CCPG1: variants seen among roughly 807,000 people sequenced by gnomAD.
CCPG1 encodes cell cycle progression protein 1.
In CCPG1, 46 loss-of-function variants were observed where a neutral mutation model predicts 81.3. The observed-to-expected ratio is 0.57, with a 90% confidence interval of 0.45 to 0.72. CCPG1 has a LOEUF of 0.72. Ranked by LOEUF, CCPG1 falls within the 30% of genes least tolerant of loss-of-function variation. The pLI, the probability that CCPG1 is intolerant of heterozygous loss-of-function variation, is 0.00. For synonymous variants in CCPG1, 330 were observed against 305.2 expected (o/e 1.08, Z -0.85); for missense variants, 902 against 937.6 (o/e 0.96, Z 0.50).
At chr15:55,392,717 A>C (rs544348000) in intron 1 of CCPG1, among the ~76,000 whole-genome samples, 1 of 152,228 alleles carries the variant, frequency 6.6e-6, no homozygotes, top group East Asian at 1.9e-4. Flanking sequence ...GGGTTTTGCC[A>C]TGTTGCCCAG....
At chr15:55,378,770 T>C (rs1364978041) in intron 3 of CCPG1, among the ~76,000 whole-genome samples, 1 of 152,066 alleles carries the variant, frequency 6.6e-6, no homozygotes, top group East Asian at 1.9e-4. Context: ...CTAATTTTTG[T>C]ATTTCTACTA....
chr15:55,360,527 T>G lies in CCPG1; in HGVS notation c.1246A>C (p.Asn416His). 1 of 1,614,186 alleles carries G rather than the reference T, an allele frequency of 6.2e-7. No homozygotes were observed. Among genetic ancestry groups the G allele is most frequent in the Non-Finnish European group, 8.5e-7 (1 of 1,180,040 alleles). ...SQLHGKSDSP[N>H]VYTEKKEIAI... The stretch of plus-strand genomic sequence containing the variant: ...ATTTCCTTTTTTTCAGTATATACAT[T>G]GGGAGAATCTGACTTGCCATGTAAC... The change falls in exon 8 of 9, where the codon AAT (asparagine) becomes CAT (histidine). Residue 416 changes from asparagine to histidine, a missense_variant. Asn to His is a moderately conservative substitution (Grantham distance 68). Coordinates refer to ENST00000442196, the MANE Select transcript of CCPG1 (RefSeq NM_001204450.2).
At chr15:55,379,111 A>G (rs1240637569) in intron 3 of CCPG1, among the ~76,000 whole-genome samples, 2 of 151,654 alleles carry the variant, frequency 1.3e-5, no homozygotes, top group African/African-American at 2.4e-5. Flanking sequence ...CCGTAAGAAT[A>G]AAAACCGTGG....
At chr15:55,394,395 T>C (rs576284620) in intron 1 of CCPG1, among the ~76,000 whole-genome samples, 1 of 152,258 alleles carries the variant, frequency 6.6e-6, no homozygotes, top group South Asian at 2.1e-4. Context: ...GAATTCTATA[T>C]GAAACAAGAA....
At chr15:55,370,202 G>C (rs1420187450) in intron 6 of CCPG1, among the ~76,000 whole-genome samples, 5 of 152,070 alleles carry the variant, frequency 3.3e-5, no homozygotes, top group African/African-American at 1.2e-4. Flanking sequence ...CTAACATTAC[G>C]CTATGTTGAA....
chr15:55,364,860 G>C (rs142126278), intron 7 of CCPG1, among the ~76,000 whole-genome samples: 1 of 152,084 alleles, frequency 6.6e-6, no homozygotes, highest in Non-Finnish European at 1.5e-5. Flanking sequence ...GCAACAGAGC[G>C]AGACTCCATC....
chr15:55,379,513 T>A (rs1451491523), intron 3 of CCPG1, among the ~76,000 whole-genome samples: 1 of 151,050 alleles, frequency 6.6e-6, no homozygotes, highest in Non-Finnish European at 1.5e-5. Context: ...GACAAGAGAG[T>A]GTGACTATGT....
chr15:55,358,309 T>C (rs1376883766), intron 8 of CCPG1: 1 of 898,350 alleles, frequency 1.1e-6, no homozygotes, highest in African/African-American at 1.8e-5. Flanking sequence ...CTATCCCTGG[T>C]TTCCAGCATC....
chr15:55,402,127 G>T (rs1320703696), intron 1 of CCPG1, among the ~76,000 whole-genome samples: 2 of 152,156 alleles, frequency 1.3e-5, no homozygotes, highest in East Asian at 3.8e-4. Context: ...CCTAATGGTA[G>T]CTTACACTAC....
At chr15:55,406,789 A>G (rs536564528) in intron 1 of CCPG1, among the ~76,000 whole-genome samples, 1 of 152,136 alleles carries the variant, frequency 6.6e-6, no homozygotes, top group East Asian at 1.9e-4. Flanking sequence ...TGGTTTACAA[A>G]ATTGCAATTA....
intron 8 of CCPG1, chr15:55,357,251 A>G (rs932055772): frequency 1.0e-6 from 1 of 956,444 alleles, no homozygotes; most frequent in Non-Finnish European, 1.2e-6. Flanking sequence ...AGATGACCCA[A>G]CCCAGAAATC....
intron 1 of CCPG1, among the ~76,000 whole-genome samples, chr15:55,392,727 G>C (rs1265162922): frequency 1.3e-5 from 2 of 152,142 alleles, no homozygotes; most frequent in Non-Finnish European, 2.9e-5. Context: ...ATGTTGCCCA[G>C]GTTGGTTTCA....
At chr15:55,375,476 G>A (rs951899125) in intron 5 of CCPG1, among the ~76,000 whole-genome samples, 1 of 151,636 alleles carries the variant, frequency 6.6e-6, no homozygotes, top group African/African-American at 2.4e-5. Context: ...TGACTAACAA[G>A]GATTCTAAAA....
At chr15:55,364,849 G>A (rs1019309595) in intron 7 of CCPG1, among the ~76,000 whole-genome samples, 1 of 152,018 alleles carries the variant, frequency 6.6e-6, no homozygotes, top group Non-Finnish European at 1.5e-5. Flanking sequence ...CTCCAGCCTG[G>A]GCAACAGAGC....
chr15:55,356,010 A>G lies in CCPG1; in HGVS notation c.*210T>C, dbSNP rs2056070901. ...TACAGTTGAACATTTCCAGTGTCAA[A>G]AAAAATTCAACGAAGCTAAACTACA... On this transcript the variant is annotated 3_prime_UTR_variant, in exon 9 of 9. Transcript: ENST00000442196. 4 of 517,356 alleles carry G rather than the reference A, an allele frequency of 7.7e-6. No individual in the cohort carries two copies. Among genetic ancestry groups the G allele is most frequent in the Admixed American group, 7.9e-5 (2 of 25,406 alleles). 32.0% of individuals were successfully genotyped at this position (517,356 alleles called of 1,614,324 possible). A position where few individuals can be genotyped will look rare whatever the true frequency, so the allele number is the denominator to read the frequency against.
In CCPG1 at chr15:55,369,111, C is replaced by CAA. The variant is rs113577498; in HGVS notation, c.706+2680_706+2681dup. On this transcript the variant is annotated intron_variant, in intron 6 of 8. Coordinates refer to ENST00000442196, the MANE Select transcript of CCPG1 (RefSeq NM_001204450.2). ...TGGGGAACAGAGCAAGACTCTGTCT[C>CAA]AAAAAAAAATAAAATTATAAAGTGA... Among the ~76,000 whole-genome samples the CAA allele has an allele frequency of 2.2e-4, 32 of 146,424 alleles. No individual in the cohort carries two copies. In the East Asian group the frequency reaches 7.2e-3, roughly 33 times the overall value.
At chr15:55,406,725 G>A (rs900645647) in intron 1 of CCPG1, among the ~76,000 whole-genome samples, 6 of 151,726 alleles carry the variant, frequency 4.0e-5, no homozygotes, top group African/African-American at 9.7e-5. Flanking sequence ...CTGAGCCACC[G>A]CTCTGGACCC....
intron 1 of CCPG1, among the ~76,000 whole-genome samples, chr15:55,395,922 A>G (rs2057007858): frequency 6.6e-6 from 1 of 152,074 alleles, no homozygotes; most frequent in East Asian, 1.9e-4. Context: ...TTGGGAGGCC[A>G]AGGCAGGCAG....
At chr15:55,382,364 A>G (rs958337628) in intron 3 of CCPG1, among the ~76,000 whole-genome samples, 1 of 152,170 alleles carries the variant, frequency 6.6e-6, no homozygotes, top group African/African-American at 2.4e-5. Flanking sequence ...CTCTGTTGTC[A>G]TTTCAATAAT....
Sources: allele counts gnomAD v4.1 joint callset (sites outside exome capture counted in the v4.1 genomes callset), GRCh38; gene constraint gnomAD v4.1.1; transcripts MANE v1.5; gene names NCBI Gene and HGNC (gene_info 2026-07-23, HGNC 2026-07-21).